DUSP16: variants seen among roughly 807,000 people sequenced by gnomAD.
DUSP16 encodes the protein dual specificity protein phosphatase 16.
DUSP16 carries 21 observed loss-of-function variants against 58.3 expected under a neutral mutation model. That is an observed-to-expected ratio of 0.36 (90% CI 0.26 to 0.52). The LOEUF (loss-of-function observed/expected upper bound fraction) is 0.52. Ranked by LOEUF, DUSP16 falls within the 20% of genes least tolerant of loss-of-function variation. The pLI, the probability that DUSP16 is intolerant of heterozygous loss-of-function variation, is 0.94. For synonymous variants in DUSP16, 320 were observed against 323.8 expected, an observed-to-expected ratio of 0.99 and a Z score of 0.12; for missense variants, 726 against 819.0, an observed-to-expected ratio of 0.89 and a Z score of 1.39.
chr12:12,504,908 A>G (rs1013238667), intron 3 of DUSP16, among the ~76,000 whole-genome samples: 6 of 152,090 alleles, frequency 3.9e-5, no homozygotes, highest in Non-Finnish European at 8.8e-5. Context: ...CAACAAAACA[A>G]TATTCCAATA....
At chr12:12,551,460 TAAAAAAA>T (rs61650727) in intron 1 of DUSP16, among the ~76,000 whole-genome samples, 2 of 134,080 alleles carry the variant, frequency 1.5e-5, no homozygotes, top group African/African-American at 5.6e-5. Flanking sequence ...GAGACTGTAT[TAAAAAAA>T]AAAAAAAAAA....
chr12:12,533,669 A>G (rs1566035134), intron 1 of DUSP16, among the ~76,000 whole-genome samples: 4 of 152,310 alleles, frequency 2.6e-5, no homozygotes. Context: ...TCTTTGCTCC[A>G]TGAGGGCAAA....
At position 12,519,924 on chromosome 12, in the gene DUSP16, C is replaced by T; in HGVS notation, c.305G>A (p.Cys102Tyr). 1 of 1,614,068 alleles carries T rather than the reference C, an allele frequency of 6.2e-7. No homozygotes were observed. The highest frequency in any genetic ancestry group is 8.5e-7 in the Non-Finnish European group (1 of 1,179,964). The change falls in exon 3 of 7, where the codon TGT becomes TAT. Residue 102 changes from cysteine (C) to tyrosine (Y), a missense_variant. Physicochemically the swap from Cys to Tyr is radical, Grantham distance 194. Transcript: ENST00000298573. ...TTTACCCAGAAGTACAGTGAGAAAACAGTCTGAAGAGAGAGAGGCAACATC... is the reference window on the plus strand; with the variant it reads ...TTTACCCAGAAGTACAGTGAGAAAATAGTCTGAAGAGAGAGAGGCAACATC... ...SQDVASLSSD[C>Y]FLTVLLGKLE... is the part of the protein sequence containing the mutation.
chr12:12,529,399 T>A (rs953728073), intron 1 of DUSP16, among the ~76,000 whole-genome samples: 1 of 152,232 alleles, frequency 6.6e-6, no homozygotes, highest in Non-Finnish European at 1.5e-5. Context: ...CGTGAGCCAC[T>A]GTGCCCGGCC....
chr12:12,485,372 C>CTAAT, intron 5 of DUSP16: 1 of 152,156 alleles, frequency 6.6e-6, no homozygotes, highest in Non-Finnish European at 1.5e-5. Context: ...AGAATGAATC[C>CTAAT]TAATTGAAGA....
At position 12,487,197 on chromosome 12, in the gene DUSP16, G is replaced by A. The variant is rs768341952; in HGVS notation, c.532-10C>T. 1 of 1,612,670 alleles carries A rather than the reference G, an allele frequency of 6.2e-7. No homozygotes were observed. The highest frequency in any genetic ancestry group is 8.5e-7 in the Non-Finnish European group (1 of 1,178,878). ...TCTGCTGCATCAGCTCCTATGGAGA[G>A]AAAGAGTAGCAGTTAAAGTGACTAA... On this transcript the variant is annotated splice_polypyrimidine_tract_variant and intron_variant, in intron 4 of 6. Transcript: ENST00000298573.
intron 3 of DUSP16, among the ~76,000 whole-genome samples, chr12:12,507,047 G>A (rs952354380): frequency 2.0e-5 from 3 of 152,022 alleles, no homozygotes; most frequent in Admixed American, 1.3e-4. Flanking sequence ...TCCATTTTGG[G>A]GGGGAAAAAT....
intron 4 of DUSP16, among the ~76,000 whole-genome samples, chr12:12,489,570 G>T (rs907878690): frequency 6.6e-6 from 1 of 152,182 alleles, no homozygotes; most frequent in Non-Finnish European, 1.5e-5. Flanking sequence ...AAAGGAATTA[G>T]TAATATCCCT....
intron 4 of DUSP16, 43 bp from the exon 5 acceptor site, chr12:12,487,230 G>A (rs1943698909): frequency 6.3e-7 from 1 of 1,588,136 alleles, no homozygotes; most frequent in Non-Finnish European, 8.6e-7. Flanking sequence ...TAATAATATA[G>A]TAAACATGAT....
At chr12:12,551,690 C>G (rs1256641928) in intron 1 of DUSP16, among the ~76,000 whole-genome samples, 1 of 138,394 alleles carries the variant, frequency 7.2e-6, no homozygotes, top group Non-Finnish European at 1.6e-5. Flanking sequence ...ACTTAGTAAA[C>G]CTTTTTTTTT....
chr12:12,506,418 C>T (rs956310716), intron 3 of DUSP16, among the ~76,000 whole-genome samples: 3 of 152,142 alleles, frequency 2.0e-5, no homozygotes, highest in East Asian at 1.9e-4. Context: ...AACATCAGTC[C>T]GTTATCCGCT....
chr12:12,546,232 T>G (rs142344808), intron 1 of DUSP16, among the ~76,000 whole-genome samples: 1 of 152,320 alleles, frequency 6.6e-6, no homozygotes, highest in African/African-American at 2.4e-5. Context: ...TGATCACCCA[T>G]GGTTTAGTTT....
rs1400381981 is a variant in DUSP16, at chr12:12,493,448, C to T, written c.532-6261G>A. Among the ~76,000 whole-genome samples, 5 of 152,158 alleles carry T rather than the reference C, an allele frequency of 3.3e-5. No individual in the cohort carries two copies. The East Asian group carries it at 7.7e-4, about 23-fold the overall frequency. Reference sequence around the variant, plus strand: ...TTTTCAACACAGAAGCTAAAGTGATCCTAACAATGTAAGTCAGATTATGTT... The same window carrying T: ...TTTTCAACACAGAAGCTAAAGTGATTCTAACAATGTAAGTCAGATTATGTT... On this transcript the variant is annotated intron_variant, in intron 4 of 6. Coordinates refer to ENST00000298573, the MANE Select transcript of DUSP16 (RefSeq NM_030640.3).
chr12:12,538,420 A>G (rs1944503131), intron 1 of DUSP16, among the ~76,000 whole-genome samples: 1 of 152,218 alleles, frequency 6.6e-6, no homozygotes, highest in South Asian at 2.1e-4. Context: ...GTCTTCTGGC[A>G]AGTTAATAAT....
chr12:12,545,810 C>T (rs1163418308), intron 1 of DUSP16, among the ~76,000 whole-genome samples: 1 of 152,142 alleles, frequency 6.6e-6, no homozygotes, highest in South Asian at 2.1e-4. Context: ...TAAAGTCTAA[C>T]GATATCCTAT....
chr12:12,556,259 C>G (rs1473260823), intron 1 of DUSP16, among the ~76,000 whole-genome samples: 1 of 152,074 alleles, frequency 6.6e-6, no homozygotes, highest in Non-Finnish European at 1.5e-5. Flanking sequence ...ACCTCAATTT[C>G]ACCTATAAAA....
At chr12:12,496,595 T>C (rs1044972233) in intron 4 of DUSP16, among the ~76,000 whole-genome samples, 2 of 152,176 alleles carry the variant, frequency 1.3e-5, no homozygotes, top group Admixed American at 6.5e-5. Flanking sequence ...CTACTCCCAA[T>C]AGGTAAGTCA....
intron 5 of DUSP16, among the ~76,000 whole-genome samples, chr12:12,484,314 A>T (rs189793506): frequency 1.0e-3 from 153 of 152,302 alleles, no homozygotes; most frequent in African/African-American, 3.6e-3. Flanking sequence ...AAATTATAAT[A>T]TGTATTTTGT....
rs760900919 is a variant in DUSP16, at chr12:12,476,871, T to C, written c.1960A>G (p.Ser654Gly). Residue 654 changes from serine to glycine, a missense_variant, in exon 7 of 7, where the codon AGC (serine) becomes GGC (glycine). Coordinates refer to ENST00000298573, the MANE Select transcript of DUSP16 (RefSeq NM_030640.3). ...ATGATTTCCATGCTGCCCGAAAAGC[T>C]AGACTGACTGCCCACTTTCCCCAGC... ...EELGKVGSQS[S>G]FSGSMEIIEV... 6.8e-6 allele frequency: 11 copies of C among 1,612,112 alleles called. No individual in the cohort carries two copies. Among genetic ancestry groups the C allele is most frequent in the African/African-American group, 6.7e-5 (5 of 74,922 alleles).
Sources: allele counts gnomAD v4.1 joint callset (sites outside exome capture counted in the v4.1 genomes callset), GRCh38; gene constraint gnomAD v4.1.1; transcripts MANE v1.5; gene names NCBI Gene and HGNC (gene_info 2026-07-23, HGNC 2026-07-21).